Variants in PCDHGA5 observed in about 807,000 individuals in gnomAD.
PCDHGA5 encodes the protein protocadherin gamma subfamily A, 5.
Under a neutral mutation model 56.7 loss-of-function variants are expected in PCDHGA5, and 36 were observed. That is an observed-to-expected ratio of 0.64 (90% CI 0.49 to 0.84). The LOEUF is 0.84. Among genes scored for constraint, PCDHGA5 ranks in the 40% least tolerant of loss-of-function variants. The pLI, the probability that PCDHGA5 is intolerant of heterozygous loss-of-function variation, is 0.00. For missense variants in PCDHGA5, 1,305 were observed against 1,201.5 expected, an observed-to-expected ratio of 1.09 and a Z score of -1.27; for synonymous variants, 563 against 520.2, an observed-to-expected ratio of 1.08 and a Z score of -1.12.
intron 1 of PCDHGA5, among the ~76,000 whole-genome samples, chr5:141,470,572 A>G (rs1349952470): frequency 6.6e-6 from 1 of 152,208 alleles, no homozygotes; most frequent in Non-Finnish European, 1.5e-5. Flanking sequence ...GCCAAGCAGG[A>G]TCAACTTCAT....
In PCDHGA5 at chr5:141,383,778, T is replaced by C. The variant is rs764919264; in HGVS notation, c.2421+17027T>C. 5 of 1,613,886 alleles carry C rather than the reference T, an allele frequency of 3.1e-6. No individual in the cohort carries two copies. In the African/African-American group the frequency reaches 6.7e-5, roughly 22 times the overall value. ...CTCCTAAACTTCCAAAGATGTTTCA[T>C]CTGAACTCGCTTACAGGAGAAATAT... On this transcript the variant is annotated intron_variant, in intron 1 of 3. Coordinates refer to ENST00000518069, the MANE Select transcript of PCDHGA5 (RefSeq NM_018918.3).
chr5:141,420,047 G>C (rs1242042066), intron 1 of PCDHGA5: 1 of 1,613,958 alleles, frequency 6.2e-7, no homozygotes, highest in East Asian at 2.2e-5. Flanking sequence ...CTTTGAGTCA[G>C]TTCTCTGCTC....
rs746088761 is a variant in PCDHGA5 at position 141,404,246 on chromosome 5, CT to C, written c.2421+37496del. 9.3e-6 allele frequency: 15 copies of C among 1,613,922 alleles called. 1 individual carries two copies. The highest frequency in any genetic ancestry group is 5.0e-5 in the Admixed American group (3 of 60,012). Reference sequence around the variant, plus strand: ...TGCAACAGACAGAGGAACTCCGCCCCTGTCCACAGAAATTCACATCACCCTG... The same window carrying C: ...TGCAACAGACAGAGGAACTCCGCCCCGTCCACAGAAATTCACATCACCCTG... On this transcript the variant is annotated intron_variant, in intron 1 of 3. Coordinates refer to ENST00000518069, the MANE Select transcript of PCDHGA5 (RefSeq NM_018918.3).
At chr5:141,374,498 G>A in intron 1 of PCDHGA5, 8 of 1,611,504 alleles carry the variant, frequency 5.0e-6, no homozygotes, top group South Asian at 1.1e-5. Context: ...GGAAGAATTG[G>A]AAGTGAAAAT....
intron 1 of PCDHGA5, chr5:141,375,036 G>GT (rs747497967): frequency 1.9e-6 from 3 of 1,614,002 alleles, no homozygotes; most frequent in Non-Finnish European, 2.5e-6. Flanking sequence ...TATGAGCTGG[G>GT]TGTTGAAGCC....
chr5:141,422,910 C>T (rs756589496), intron 1 of PCDHGA5: 2 of 1,614,252 alleles, frequency 1.2e-6, no homozygotes, highest in South Asian at 1.1e-5. Context: ...ACAATGCGCC[C>T]GAGATCCTGT....
At chr5:141,422,458 C>T (rs375149811) in intron 1 of PCDHGA5, 264 of 1,613,148 alleles carry the variant, frequency 1.6e-4, no homozygotes, top group Non-Finnish European at 2.1e-4. Context: ...AAGCAGAGTG[C>T]TGGACAGGGA....
rs372656276 is a variant in PCDHGA5, at chr5:141,415,107, A to G, written c.2421+48356A>G. ...TGCTGGACAGAGACGCGCTCAAGCA[A>G]AGCCTCGTAGTGGCCGTCCAGGACC... is the stretch of plus-strand genomic sequence containing the variant. On this transcript the variant is annotated intron_variant, in intron 1 of 3. Transcript: ENST00000518069. 1,052 of 1,613,570 alleles carry G rather than the reference A, an allele frequency of 6.5e-4. 7 individuals carry two copies. The African/African-American group carries it at 8.4e-3, about 13-fold the overall frequency.
intron 1 of PCDHGA5, among the ~76,000 whole-genome samples, chr5:141,430,358 C>T (rs2097275535): frequency 6.7e-6 from 1 of 149,028 alleles, no homozygotes; most frequent in South Asian, 2.1e-4. Flanking sequence ...TTTAAAAGCT[C>T]ATTGGGGAAA....
At position 141,491,660 on chromosome 5, in the gene PCDHGA5, C is replaced by G; in HGVS notation, c.2422-3147C>G. 6.2e-7 allele frequency: 1 copy of G among 1,613,810 alleles called. No individual in the cohort carries two copies. ...ACAGCTCTGGCGCTGGAGCCTGACG[C>G]CATCCGGTCCCGCTCTAATACGCTG... is the stretch of plus-strand genomic sequence containing the variant. On this transcript the variant is annotated intron_variant, in intron 1 of 3. Transcript: ENST00000518069. The surrounding 1 kb of genome is among the most constrained non-coding windows in gnomAD (Gnocchi z 6.9).
In PCDHGA5 at chr5:141,366,443, C is replaced by T; in HGVS notation, c.2113C>T (p.Leu705=). Residue 705 remains leucine (L), a synonymous_variant, in exon 1 of 4, where the codon CTG becomes TTG. Coordinates refer to ENST00000518069, the MANE Select transcript of PCDHGA5 (RefSeq NM_018918.3). The part of the protein sequence containing the change: ...VAVAAVSCVF[L]AFVIVLLVLR... ...AGTGGCTGCAGTCTCCTGCGTCTTCCTGGCCTTCGTCATCGTGCTGCTGGT... is the reference window on the plus strand; with the variant it reads ...AGTGGCTGCAGTCTCCTGCGTCTTCTTGGCCTTCGTCATCGTGCTGCTGGT... 1 of 1,614,206 alleles carries T rather than the reference C, an allele frequency of 6.2e-7. No homozygotes were observed. Among genetic ancestry groups the T allele is most frequent in the Non-Finnish European group, 8.5e-7 (1 of 1,180,048 alleles).
chr5:141,478,307 G>T, intron 1 of PCDHGA5: 3 of 1,614,056 alleles, frequency 1.9e-6, no homozygotes, highest in Non-Finnish European at 2.5e-6. Context: ...CCGAGCCCCG[G>T]TGAGCTCACT....
At chr5:141,393,267 T>C in intron 1 of PCDHGA5, 1 of 1,613,944 alleles carries the variant, frequency 6.2e-7, no homozygotes, top group Non-Finnish European at 8.5e-7. Flanking sequence ...TGGAGCACGT[T>C]ATCCACTCCC....
chr5:141,364,702 C>A lies in PCDHGA5; in HGVS notation c.372C>A (p.Ile124=). ...MKIYGVEVEI[I]DINDNFPRFR... ...TTTATGGAGTAGAAGTAGAAATAAT[C>A]GATATTAATGATAACTTCCCGCGTT... The change falls in exon 1 of 4, where the codon ATC becomes ATA. Residue 124 remains isoleucine (I), a synonymous_variant. Coordinates refer to ENST00000518069, the MANE Select transcript of PCDHGA5 (RefSeq NM_018918.3). The A allele has an allele frequency of 1.2e-6, 2 of 1,613,920 alleles. No homozygotes were observed. The highest frequency in any genetic ancestry group is 1.7e-6 in the Non-Finnish European group (2 of 1,179,876).
chr5:141,367,537 A>AAAT (rs373624904), intron 1 of PCDHGA5: 1 of 147,434 alleles, frequency 6.8e-6, no homozygotes, highest in Admixed American at 6.8e-5. Context: ...ACTCCGTCTC[A>AAAT]AAATAAATAA....
At chr5:141,505,352 C>CG in intron 2 of PCDHGA5, 41 bp from the exon 3 acceptor site, 1 of 1,613,302 alleles carries the variant, frequency 6.2e-7, no homozygotes, top group East Asian at 2.2e-5. Context: ...TGAGCTGTGC[C>CG]GGCCTGGGAG....
In PCDHGA5 at chr5:141,485,872, G is replaced by A; in HGVS notation, c.2422-8935G>A. ...CCGCAGAGCTCCGGGTATCCGTGCT[G>A]GACGTAAACGACAACGCCCCAGCCT... On this transcript the variant is annotated intron_variant, in intron 1 of 3. Transcript: ENST00000518069. The surrounding 1 kb of genome is among the most constrained non-coding windows in gnomAD (Gnocchi z 5.7). 1 of 1,614,170 alleles carries A rather than the reference G, an allele frequency of 6.2e-7. No homozygotes were observed. The highest frequency in any genetic ancestry group is 2.2e-5 in the East Asian group (1 of 44,876).
At chr5:141,423,187 C>G in intron 1 of PCDHGA5, 5 of 1,613,640 alleles carry the variant, frequency 3.1e-6, no homozygotes, top group Middle Eastern at 1.6e-4. Context: ...CGGCCAGCCC[C>G]CTCTCTCGGC....
intron 1 of PCDHGA5, chr5:141,412,700 G>C (rs537095191): frequency 6.6e-6 from 1 of 152,574 alleles, no homozygotes; most frequent in South Asian, 2.1e-4. Flanking sequence ...TTTTATTAAA[G>C]TGTGTACATT....
Sources: allele counts gnomAD v4.1 joint callset (sites outside exome capture counted in the v4.1 genomes callset), GRCh38; gene constraint gnomAD v4.1.1; non-coding constraint Gnocchi (gnomAD v3.1); transcripts MANE v1.5; gene names NCBI Gene and HGNC (gene_info 2026-07-23, HGNC 2026-07-21).